The following ACBD6 variants were observed in gnomAD, a reference collection of about 807,000 sequenced individuals.
The protein encoded by ACBD6 is acyl-CoA-binding domain-containing protein 6.
A neutral mutation model predicts 37.2 loss-of-function variants in ACBD6; 28 were observed. That is an observed-to-expected ratio of 0.75 (90% CI 0.56 to 1.03). ACBD6 has a LOEUF of 1.03. Ranked by LOEUF, ACBD6 falls within the 50% of genes least tolerant of loss-of-function variation. The probability of loss-of-function intolerance (pLI) is 0.00; values close to 1 mark genes in which losing one functional copy is unlikely to be tolerated. For missense variants in ACBD6, 340 were observed against 337.4 expected (o/e 1.01, Z -0.06); for synonymous variants, 113 against 126.8 (o/e 0.89, Z 0.73).
At chr1:180,469,782 A>T (rs1019064921) in intron 3 of ACBD6, among the ~76,000 whole-genome samples, 1 of 152,176 alleles carries the variant, frequency 6.6e-6, no homozygotes, top group Non-Finnish European at 1.5e-5. Flanking sequence ...ATCCTCAGCA[A>T]CACTAACATT....
In ACBD6 at chr1:180,501,937, C is replaced by A; in HGVS notation, c.222+108G>T. 7.9e-5 allele frequency: 76 copies of A among 960,514 alleles called. 1 individual carries two copies. The highest frequency in any genetic ancestry group is 1.1e-4 in the Non-Finnish European group (70 of 613,922). 59.5% of individuals were successfully genotyped at this position (960,514 alleles called of 1,614,324 possible). The stretch of plus-strand genomic sequence containing the variant: ...AAAAAAACAAAACAAAATACACATA[C>A]ACAAGCTTCATTACACCTAGCTATT... On this transcript the variant is annotated intron_variant, in intron 1 of 7. Coordinates refer to ENST00000367595, the MANE Select transcript of ACBD6 (RefSeq NM_032360.4).
intron 3 of ACBD6, among the ~76,000 whole-genome samples, chr1:180,481,545 C>T (rs1651043052): frequency 6.6e-6 from 1 of 152,222 alleles, no homozygotes. Context: ...TCTTCAGCAA[C>T]ACTGTTAGTC....
At position 180,459,967 on chromosome 1, in the gene ACBD6, CTTTT is replaced by C. The variant is rs67323272; in HGVS notation, c.385-29709_385-29706del. On this transcript the variant is annotated intron_variant, in intron 3 of 7. Transcript: ENST00000367595. ...CTACAAAAGCATGACCAGACTGCTT[CTTTT>C]TTTTTTTTTTTTTTTTTTTTTAATT... Among the ~76,000 whole-genome samples, 20 of 107,964 alleles carry C rather than the reference CTTTT, an allele frequency of 1.9e-4. No homozygotes were observed. The South Asian group carries it at 5.8e-3, about 31-fold the overall frequency. The allele number at this position is 107,964 out of a possible 152,430, so 70.8% of individuals were successfully genotyped here.
At chr1:180,397,424 T>G in intron 6 of ACBD6, 92 bp downstream of exon 6, 3 of 1,098,884 alleles carry the variant, frequency 2.7e-6, no homozygotes, top group Non-Finnish European at 4.2e-6. Flanking sequence ...GCCACTGAAT[T>G]GCACATTTCA....
chr1:180,492,219 G>A (rs1173441682), intron 3 of ACBD6, 50 bp downstream of exon 3: 1 of 1,337,742 alleles, frequency 7.5e-7, no homozygotes, highest in Non-Finnish European at 1.1e-6. Flanking sequence ...TTATTTCAGA[G>A]AAGGATCATA....
intron 6 of ACBD6, 44 bp from the exon 7 acceptor site, chr1:180,314,766 G>A (rs1288770628): frequency 1.4e-6 from 2 of 1,401,314 alleles, no homozygotes; most frequent in Non-Finnish European, 2.0e-6. Context: ...CTAAGTAATT[G>A]CAAAAGTATG....
chr1:180,475,644 C>T (rs1258088385), intron 3 of ACBD6, among the ~76,000 whole-genome samples: 4 of 152,088 alleles, frequency 2.6e-5, no homozygotes, highest in Admixed American at 1.3e-4. Flanking sequence ...CCTGGCCTCC[C>T]GAAGTGCTGG....
At chr1:180,312,514 T>A (rs759316667) in intron 7 of ACBD6, among the ~76,000 whole-genome samples, 4 of 152,200 alleles carry the variant, frequency 2.6e-5, no homozygotes, top group Non-Finnish European at 2.9e-5. Context: ...TTTTGTTTCA[T>A]CCATCTCATG....
intron 6 of ACBD6, among the ~76,000 whole-genome samples, chr1:180,339,228 A>C (rs112867500): frequency 0.052 from 7,927 of 152,292 alleles, 661 homozygotes; most frequent in African/African-American, 0.17. Context: ...AGACACATGC[A>C]CACGTATGTT....
intron 3 of ACBD6, among the ~76,000 whole-genome samples, chr1:180,439,221 A>T (rs1649181267): frequency 6.6e-6 from 1 of 152,080 alleles, no homozygotes. Flanking sequence ...AAAACACAAG[A>T]TTTTTCTTGA....
downstream of ACBD6, among the ~76,000 whole-genome samples, chr1:180,283,969 C>T (rs970871453): frequency 4.6e-5 from 7 of 152,072 alleles, no homozygotes; most frequent in South Asian, 4.1e-4. Flanking sequence ...GATAAGGACT[C>T]GTCTCCCTGG....
chr1:180,495,117 G>C (rs1317010559), intron 2 of ACBD6, among the ~76,000 whole-genome samples: 1 of 152,148 alleles, frequency 6.6e-6, no homozygotes, highest in Non-Finnish European at 1.5e-5. Context: ...CATCATTCTG[G>C]CCTTCTTCCA....
intron 7 of ACBD6, among the ~76,000 whole-genome samples, chr1:180,313,836 A>C (rs1000218221): frequency 1.3e-5 from 2 of 152,110 alleles, no homozygotes; most frequent in African/African-American, 4.8e-5. Flanking sequence ...AACTCTACAC[A>C]GACTCTTTAA....
At chr1:180,501,717 A>G (rs574511221) in intron 1 of ACBD6, among the ~76,000 whole-genome samples, 158 of 152,244 alleles carry the variant, frequency 1.0e-3, no homozygotes, top group Non-Finnish European at 1.9e-3. Flanking sequence ...GGAAAGAGTA[A>G]ATGAATGATA....
intron 5 of ACBD6, among the ~76,000 whole-genome samples, chr1:180,405,441 T>C (rs1425278554): frequency 1.3e-5 from 2 of 152,092 alleles, no homozygotes; most frequent in Non-Finnish European, 2.9e-5. Context: ...AGAATGTAAC[T>C]AAAGAAGCAG....
intron 3 of ACBD6, among the ~76,000 whole-genome samples, chr1:180,475,914 A>T (rs1192319000): frequency 1.3e-5 from 2 of 152,216 alleles, no homozygotes; most frequent in Admixed American, 1.3e-4. Flanking sequence ...TTTCCCTTTT[A>T]CTTAAATCAA....
chr1:180,424,978 G>C (rs547656760), intron 4 of ACBD6, among the ~76,000 whole-genome samples: 1 of 152,084 alleles, frequency 6.6e-6, no homozygotes, highest in African/African-American at 2.4e-5. Context: ...CATGTCCCAG[G>C]GGACCCATTT....
At chr1:180,365,228 C>T (rs1473093716) in intron 6 of ACBD6, among the ~76,000 whole-genome samples, 4 of 152,078 alleles carry the variant, frequency 2.6e-5, no homozygotes, top group Admixed American at 1.3e-4. Context: ...GAGTTCAAAG[C>T]CTGTCAACAG....
At chr1:180,458,420 T>C (rs1028693877) in intron 3 of ACBD6, among the ~76,000 whole-genome samples, 6 of 152,116 alleles carry the variant, frequency 3.9e-5, no homozygotes, top group Non-Finnish European at 7.4e-5. Flanking sequence ...TACCAAGACA[T>C]TCAGTATAAC....
Sources: gnomAD v4.1 joint callset for allele counts (sites outside exome capture counted in the v4.1 genomes callset) on GRCh38, gnomAD v4.1.1 for gene constraint, MANE v1.5 for transcripts, NCBI Gene and HGNC (gene_info 2026-07-23, HGNC 2026-07-21) for gene names.